HOXA3: variants seen among roughly 807,000 people sequenced by gnomAD.
The protein encoded by HOXA3 is homeobox protein Hox-A3.
HOXA3 carries 8 observed loss-of-function variants against 30.3 expected under a neutral mutation model. That is an observed-to-expected ratio of 0.26 (90% CI 0.15 to 0.48). The LOEUF (loss-of-function observed/expected upper bound fraction) is 0.48. HOXA3 is among the 20% of genes least tolerant of loss of function. HOXA3 has a pLI of 0.99. For missense variants in HOXA3, 653 were observed against 614.4 expected (o/e 1.06, Z -0.66); for synonymous variants, 323 against 273.1 (o/e 1.18, Z -1.80).
intron 4 of HOXA3, among the ~76,000 whole-genome samples, chr7:27,114,855 A>ATATATATAATATATAT (rs1784615205): frequency 9.6e-6 from 1 of 104,058 alleles, no homozygotes. Flanking sequence ...AATATATATT[A>ATATATATAATATATAT]TATATATAAT....
intron 1 of HOXA3, chr7:27,147,541 G>T: frequency 6.2e-7 from 1 of 1,614,170 alleles, no homozygotes; most frequent in Non-Finnish European, 8.5e-7. Flanking sequence ...CTCGTAGGAC[G>T]CCCGGTTGCA....
At position 27,108,142 on chromosome 7, in the gene HOXA3, C is replaced by T; in HGVS notation, c.1105G>A (p.Gly369Ser). 1 of 1,589,966 alleles carries T rather than the reference C, an allele frequency of 6.3e-7. No homozygotes were observed. Among genetic ancestry groups the T allele is most frequent in the South Asian group, 1.1e-5 (1 of 89,828 alleles). ...HIQGSPVFVG[G>S]SYVEPMSNSG... is the part of the protein sequence containing the mutation. ...TTGCTCATGGGCTCCACATAGCTGC[C>T]CCCCACGAAGACGGGGCTTCCCTGT... The change falls in exon 6 of 6, where the codon GGC (glycine) becomes AGC (serine). Residue 369 changes from glycine (G) to serine (S), a missense_variant. Gly to Ser is a moderately conservative substitution (Grantham distance 56). Coordinates refer to ENST00000612286, the MANE Select transcript of HOXA3 (RefSeq NM_153631.3). This position sits in a 1 kb window ranked among gnomAD's most constrained non-coding sequence, Gnocchi z 5.0.
intron 4 of HOXA3, among the ~76,000 whole-genome samples, chr7:27,120,433 C>T (rs756916113): frequency 6.8e-6 from 1 of 148,082 alleles, no homozygotes; most frequent in Non-Finnish European, 1.5e-5. Flanking sequence ...CCCAGCTAGT[C>T]GGGAGGCTGA....
At position 27,140,014 on chromosome 7, in the gene HOXA3, A is replaced by AGAGAGAGAGAGAGAGAGAGAGAGAGAGG. The variant is rs1562727036; in HGVS notation, c.-390+68_-390+69insCCTCTCTCTCTCTCTCTCTCTCTCTCTC. ...GAGTTATTGAACCAGAGAGAGAGAG[A>AGAGAGAGAGAGAGAGAGAGAGAGAGAGG]GAGAGAGAGAGAGAGAGAAAGTTTC... On this transcript the variant is annotated intron_variant, in intron 2 of 5. Transcript: ENST00000612286. 3 of 146,274 alleles carry AGAGAGAGAGAGAGAGAGAGAGAGAGAGG rather than the reference A, an allele frequency of 2.1e-5. No individual in the cohort carries two copies. The East Asian group carries it at 5.8e-4, about 28-fold the overall frequency. 9.1% of individuals were successfully genotyped at this position (146,274 alleles called of 1,614,324 possible).
At chr7:27,147,324 C>T (rs17472042) in intron 1 of HOXA3, 3 of 1,613,976 alleles carry the variant, frequency 1.9e-6, no homozygotes, top group African/African-American at 1.3e-5. Context: ...AGGAGTTCAT[C>T]CGCTGCATCC....
At position 27,110,454 on chromosome 7, in the gene HOXA3, TG is replaced by T; in HGVS notation, c.186del (p.Lys63ArgfsTer5). 1 of 1,589,840 alleles carries T rather than the reference TG, an allele frequency of 6.3e-7. No homozygotes were observed. The highest frequency in any genetic ancestry group is 1.7e-5 in the Admixed American group (1 of 57,632). On this transcript the variant is annotated frameshift_variant, in exon 5 of 6. Transcript: ENST00000612286. LOFTEE classifies it high-confidence loss of function. ...LQSPSSAGGH[P>X]KAHELSEACL... ...CACGCCTCACTCAGTTCGTGTGCCT[TG>T]GGGTGGCCCCCGGCGCTGGAGGGAG...
chr7:27,131,287 G>A (rs1785551864), intron 2 of HOXA3, among the ~76,000 whole-genome samples: 1 of 152,142 alleles, frequency 6.6e-6, no homozygotes, highest in African/African-American at 2.4e-5. Context: ...GGGACCGAGG[G>A]GCATCCTGGT....
In HOXA3 at chr7:27,107,945, A is replaced by C. The variant is rs1784105432; in HGVS notation, c.1302T>G (p.Ile434Met). The change falls in exon 6 of 6, where the codon ATT becomes ATG. Residue 434 changes from isoleucine to methionine, a missense_variant. Ile to Met is a conservative substitution (Grantham distance 10). Around this residue, in one of 3 missense-constraint regions of HOXA3, gnomAD observed 330 missense variants for 274.4 expected, o/e 1.20. Coordinates refer to ENST00000612286, the MANE Select transcript of HOXA3 (RefSeq NM_153631.3). ...GGTGGGTGAGCTTGGGTGCTTCCTG[A>C]ATTCTTCCCTGAGAAGGATGGTGGC... Reference protein sequence around the residue: ...LTGHHPSQGRIQEAPKLTHL With the variant: ...LTGHHPSQGRMQEAPKLTHL 1 of 1,588,078 alleles carries C rather than the reference A, an allele frequency of 6.3e-7. No homozygotes were observed. Among genetic ancestry groups the C allele is most frequent in the Non-Finnish European group, 8.6e-7 (1 of 1,160,980 alleles).
At chr7:27,129,453 G>A in intron 2 of HOXA3, 1 of 1,614,222 alleles carries the variant, frequency 6.2e-7, no homozygotes, top group Non-Finnish European at 8.5e-7. Context: ...CGATCTCGAT[G>A]CGGCGCCGCC....
At chr7:27,121,940 A>G (rs528957919) in intron 4 of HOXA3, 4 of 153,054 alleles carry the variant, frequency 2.6e-5, no homozygotes, top group Non-Finnish European at 5.9e-5. Flanking sequence ...GCCAAGACAT[A>G]GAAAACCACG....
chr7:27,129,311 G>A (rs1562721868), intron 2 of HOXA3: 2 of 1,614,156 alleles, frequency 1.2e-6, no homozygotes, highest in Non-Finnish European at 1.7e-6. Context: ...TTCCCTGGTG[G>A]GCCGGCAGAG....
intron 1 of HOXA3, chr7:27,145,936 G>C: frequency 6.2e-7 from 1 of 1,606,342 alleles, no homozygotes; most frequent in Non-Finnish European, 8.5e-7. Flanking sequence ...AGAAACGGCC[G>C]GGCGCCGGTA....
At chr7:27,131,005 A>C (rs966151026) in intron 2 of HOXA3, among the ~76,000 whole-genome samples, 26 of 152,028 alleles carry the variant, frequency 1.7e-4, no homozygotes, top group Non-Finnish European at 2.5e-4. Context: ...CCGGATCAGG[A>C]AACGCGCGGG....
Position 27,152,448 on chromosome 7 carries a change from C to G in HOXA3, c.-654G>C. ...CGCGGCGCCGGGAACGGAGCGCGCCCAATCTCCAGCGGGAGCCGCCAGGCC... is the reference window on the plus strand; with the variant it reads ...CGCGGCGCCGGGAACGGAGCGCGCCGAATCTCCAGCGGGAGCCGCCAGGCC... On this transcript the variant is annotated 5_prime_UTR_variant, in exon 1 of 6. Transcript: ENST00000612286. 8.6e-7 allele frequency: 1 copy of G among 1,157,602 alleles called. No individual in the cohort carries two copies. Among genetic ancestry groups the G allele is most frequent in the Non-Finnish European group, 1.1e-6 (1 of 924,706 alleles). 71.7% of individuals were successfully genotyped at this position (1,157,602 alleles called of 1,614,324 possible).
At chr7:27,129,662 A>G (rs1009233580) in intron 2 of HOXA3, 5 of 1,375,536 alleles carry the variant, frequency 3.6e-6, no homozygotes, top group Non-Finnish European at 4.1e-6. Context: ...GGTGGGGAAG[A>G]GCAATTGGAC....
At chr7:27,142,487 G>A (rs1286076674) in intron 1 of HOXA3, among the ~76,000 whole-genome samples, 6 of 152,154 alleles carry the variant, frequency 3.9e-5, no homozygotes, top group Non-Finnish European at 8.8e-5. Flanking sequence ...TTCCAGCCCC[G>A]AGAGCCGCCT....
In HOXA3 at chr7:27,152,279, A is replaced by G. The variant is rs369529324; in HGVS notation, c.-494+9T>C. On this transcript the variant is annotated intron_variant, in intron 1 of 5. Transcript: ENST00000612286. ...ACCTTTGCTCCTATCTCCTCCCCAC[A>G]TGTCTCACCTTCAGACGGTGGCTCC... 3.4e-5 allele frequency: 44 copies of G among 1,279,220 alleles called. No homozygotes were observed. In the East Asian group the frequency reaches 1.2e-3, roughly 34 times the overall value. 79.2% of individuals were successfully genotyped at this position (1,279,220 alleles called of 1,614,324 possible).
At chr7:27,129,430 CAG>C in intron 2 of HOXA3, 1 of 1,614,184 alleles carries the variant, frequency 6.2e-7, no homozygotes, top group Non-Finnish European at 8.5e-7. Flanking sequence ...CTCAGACAAA[CAG>C]AGCGTGTGGG....
rs751880658 is a variant in HOXA3, at chr7:27,147,352, G to A, written c.-494+4936C>T. ...CTGCATCCAAGGGTAAACCGGGCTC[G>A]TGTACTTCCGGTCGGCGCCTTCGTC... On this transcript the variant is annotated intron_variant, in intron 1 of 5. Transcript: ENST00000612286. 1.6e-5 allele frequency: 26 copies of A among 1,614,112 alleles called. 1 individual carries two copies. Among genetic ancestry groups the A allele is most frequent in the Middle Eastern group, 1.6e-4 (1 of 6,062 alleles).
Sources: gnomAD v4.1 joint callset for allele counts (sites outside exome capture counted in the v4.1 genomes callset) on GRCh38, gnomAD v4.1.1 for gene constraint, gnomAD v4.1.1 regional missense constraint, Gnocchi (gnomAD v3.1) non-coding constraint, MANE v1.5 for transcripts, NCBI Gene and HGNC (gene_info 2026-07-23, HGNC 2026-07-21) for gene names.